Variants in SCUBE1 observed in about 807,000 individuals in gnomAD.
SCUBE1 encodes signal peptide, CUB and EGF-like domain-containing protein 1.
A neutral mutation model predicts 124.4 loss-of-function variants in SCUBE1; 59 were observed. The ratio of observed to expected loss-of-function variants is 0.47; its 90% CI spans 0.38 to 0.59. The LOEUF (loss-of-function observed/expected upper bound fraction) is 0.59, where lower values mean the gene tolerates loss of function less well. SCUBE1 is among the 20% of genes least tolerant of loss of function. The probability of loss-of-function intolerance (pLI) is 0.00; values close to 1 mark genes in which losing one functional copy is unlikely to be tolerated. For synonymous variants in SCUBE1, 545 were observed against 550.9 expected (o/e 0.99, Z 0.15); for missense variants, 1,150 against 1,371.2 (o/e 0.84, Z 2.55).
In SCUBE1 at chr22:43,214,235, G is replaced by A. The variant is rs774875522; in HGVS notation, c.1908C>T (p.Gly636=). 3 of 1,612,288 alleles carry A rather than the reference G, an allele frequency of 1.9e-6. No individual in the cohort carries two copies. The highest frequency in any genetic ancestry group is 2.5e-6 in the Non-Finnish European group (3 of 1,179,512). ...QDSKCVACGP[G]THFGGELGQC... is the part of the protein sequence containing the mutation. ...GGCCGAGCTCACCACCGAAGTGGGT[G>A]CCAGGCCCACAGGCAACTGCAGAGG... Residue 636 remains glycine, a synonymous_variant, in exon 16 of 22, where the codon GGC becomes GGT. Coordinates refer to ENST00000360835, the MANE Select transcript of SCUBE1 (RefSeq NM_173050.5).
At position 43,210,615 on chromosome 22, in the gene SCUBE1, C is replaced by G. The variant is rs937922364; in HGVS notation, c.2383+307G>C. ...GTGCCCCTGTAGGCTGTCAGCCCCC[C>G]CAGCAGACCCAGAAACTAGAGCAGG... is the stretch of plus-strand genomic sequence containing the variant. On this transcript the variant is annotated intron_variant, in intron 18 of 21. Coordinates refer to ENST00000360835, the MANE Select transcript of SCUBE1 (RefSeq NM_173050.5). The surrounding 1 kb of genome is among the most constrained non-coding windows in gnomAD (Gnocchi z 4.5). 7.9e-5 allele frequency among the ~76,000 whole-genome samples: 12 copies of G among 152,216 alleles called. No homozygotes were observed. The highest frequency in any genetic ancestry group is 2.1e-4 in the South Asian group (1 of 4,834).
intron 2 of SCUBE1, among the ~76,000 whole-genome samples, chr22:43,326,292 T>C (rs1342285771): frequency 6.6e-6 from 1 of 152,168 alleles, no homozygotes; most frequent in African/African-American, 2.4e-5. Flanking sequence ...CTCTCCTTTG[T>C]CTGGGGGCTT....
intron 2 of SCUBE1, among the ~76,000 whole-genome samples, chr22:43,327,834 G>T (rs1056501851): frequency 6.6e-6 from 1 of 152,184 alleles, no homozygotes; most frequent in African/African-American, 2.4e-5. Context: ...CATTGATTGT[G>T]GTAGTGGACT....
At chr22:43,342,882 G>C (rs1927373253) in intron 1 of SCUBE1, among the ~76,000 whole-genome samples, 1 of 151,502 alleles carries the variant, frequency 6.6e-6, no homozygotes, top group African/African-American at 2.4e-5. Flanking sequence ...CCGCACGCGG[G>C]GTCCCCGGGA....
At position 43,208,144 on chromosome 22, in the gene SCUBE1, G is replaced by A; in HGVS notation, c.2662C>T (p.Leu888Phe). 3 of 1,614,168 alleles carry A rather than the reference G, an allele frequency of 1.9e-6. No homozygotes were observed. The highest frequency in any genetic ancestry group is 2.5e-6 in the Non-Finnish European group (3 of 1,180,026). Residue 888 changes from leucine to phenylalanine, a missense_variant, in exon 20 of 22, where the codon CTC (leucine) becomes TTC (phenylalanine). Physicochemically the swap from Leu to Phe is conservative, Grantham distance 22. This residue lies in a region of SCUBE1 where 757 missense variants were observed against 840.9 expected (regional missense o/e 0.90). Coordinates refer to ENST00000360835, the MANE Select transcript of SCUBE1 (RefSeq NM_173050.5). The part of the protein sequence containing the change: ...PIAFTSRSRK[L>F]WIQFKSNEGN... Reference sequence around the variant, plus strand: ...TCATTGGATTTGAACTGGATCCAGAGCTTGCGGGAGCGGGAGGTGAAGGCG... The same window carrying A: ...TCATTGGATTTGAACTGGATCCAGAACTTGCGGGAGCGGGAGGTGAAGGCG...
chr22:43,319,152 A>T (rs1926451816), intron 3 of SCUBE1, among the ~76,000 whole-genome samples: 1 of 152,212 alleles, frequency 6.6e-6, no homozygotes, highest in African/African-American at 2.4e-5. Context: ...CCAGTACCTC[A>T]AAACGTGACT....
chr22:43,254,343 A>G (rs1030732633), intron 6 of SCUBE1, among the ~76,000 whole-genome samples: 2 of 152,172 alleles, frequency 1.3e-5, no homozygotes, highest in Admixed American at 6.5e-5. Context: ...GCAGGCCTGA[A>G]GCCTCCTCAG....
chr22:43,301,669 C>G (rs978688667), intron 3 of SCUBE1, among the ~76,000 whole-genome samples: 7 of 152,196 alleles, frequency 4.6e-5, no homozygotes, highest in Non-Finnish European at 7.3e-5. Context: ...CGCCCCCACC[C>G]ACCTGGAATC....
chr22:43,278,773 C>T (rs1281653700), intron 4 of SCUBE1, among the ~76,000 whole-genome samples: 2 of 152,218 alleles, frequency 1.3e-5, no homozygotes, highest in African/African-American at 2.4e-5. Context: ...GCTCAGTTTT[C>T]CCTCCCATGA....
At chr22:43,220,701 C>T (rs552571320) in intron 13 of SCUBE1, 114 bp from the exon 14 acceptor site, 319 of 1,351,138 alleles carry the variant, frequency 2.4e-4, no homozygotes, top group East Asian at 3.4e-4. Context: ...GTGGTGCAGA[C>T]GGAAAAACTC....
In SCUBE1 at chr22:43,255,701, G is replaced by A. The variant is rs956235441; in HGVS notation, c.727+2518C>T. ...GCCAACACAACACGCCGGCCAGCTC[G>A]GCATCCTCGCCAAGGGGCTAATCCC... On this transcript the variant is annotated intron_variant, in intron 6 of 21. Coordinates refer to ENST00000360835, the MANE Select transcript of SCUBE1 (RefSeq NM_173050.5). The surrounding 1 kb of genome is among the most constrained non-coding windows in gnomAD (Gnocchi z 4.7). 24 of 805,354 alleles carry A rather than the reference G, an allele frequency of 3.0e-5. No homozygotes were observed. The highest frequency in any genetic ancestry group is 2.4e-4 in the Middle Eastern group (1 of 4,108). The allele number at this position is 805,354 out of a possible 1,614,324, so 49.9% of individuals were successfully genotyped here. A position where few individuals can be genotyped will look rare whatever the true frequency, so the allele number is the denominator to read the frequency against.
chr22:43,280,542 C>CCCTTCCCCTCACCCATCCTG (rs1924753784), intron 4 of SCUBE1, among the ~76,000 whole-genome samples: 5 of 69,706 alleles, frequency 7.2e-5, no homozygotes, highest in Non-Finnish European at 1.0e-4. Context: ...CACCCATCCT[C>CCCTTCCCCTCACCCATCCTG]CTGTCCCTTC....
intron 3 of SCUBE1, among the ~76,000 whole-genome samples, chr22:43,312,519 G>A (rs555424577): frequency 2.0e-4 from 30 of 152,098 alleles, no homozygotes; most frequent in African/African-American, 6.0e-4. Context: ...CTGGCCAGAG[G>A]GGTCTCAAGC....
At chr22:43,212,690 T>G in intron 16 of SCUBE1, 98 bp from the exon 17 acceptor site, 2 of 1,324,548 alleles carry the variant, frequency 1.5e-6, no homozygotes, top group South Asian at 1.3e-5. Flanking sequence ...TGCCCGGCCC[T>G]GGAAAAGGTA....
chr22:43,287,962 G>A (rs1258557580), intron 4 of SCUBE1, among the ~76,000 whole-genome samples: 3 of 152,220 alleles, frequency 2.0e-5, no homozygotes. Flanking sequence ...TGACCACTGT[G>A]CTGTGTGCTT....
At chr22:43,240,076 C>A (rs137995789) in intron 6 of SCUBE1, among the ~76,000 whole-genome samples, 14 of 152,140 alleles carry the variant, frequency 9.2e-5, no homozygotes, top group Non-Finnish European at 1.9e-4. Context: ...TAGGCGTGTG[C>A]AGGGGGAGAG....
chr22:43,308,821 C>T (rs1289207128), intron 3 of SCUBE1, among the ~76,000 whole-genome samples: 3 of 152,274 alleles, frequency 2.0e-5, no homozygotes, highest in African/African-American at 4.8e-5. Context: ...GCACATCCAT[C>T]TCCTCAACTG....
rs1323368205 is a variant in SCUBE1 at position 43,210,549 on chromosome 22, T to C, written c.2384-309A>G. Reference sequence around the variant, plus strand: ...TGTGGCTGGGCCTTGTCAGGGGCACTGAGAGGGCCTGGAGCCCTGCTCTCT... The same window carrying C: ...TGTGGCTGGGCCTTGTCAGGGGCACCGAGAGGGCCTGGAGCCCTGCTCTCT... On this transcript the variant is annotated intron_variant, in intron 18 of 21. Coordinates refer to ENST00000360835, the MANE Select transcript of SCUBE1 (RefSeq NM_173050.5). This position sits in a 1 kb window ranked among gnomAD's most constrained non-coding sequence, Gnocchi z 4.5. Among the ~76,000 whole-genome samples the C allele has an allele frequency of 6.6e-6, 1 of 152,158 alleles. No individual in the cohort carries two copies. The highest frequency in any genetic ancestry group is 1.5e-5 in the Non-Finnish European group (1 of 68,004).
chr22:43,263,554 G>A (rs1319884159), intron 4 of SCUBE1, among the ~76,000 whole-genome samples: 1 of 152,214 alleles, frequency 6.6e-6, no homozygotes, highest in Admixed American at 6.5e-5. Context: ...CACGCACAGG[G>A]CAACCTCCTT....
Sources: gnomAD v4.1 joint callset for allele counts (sites outside exome capture counted in the v4.1 genomes callset) on GRCh38, gnomAD v4.1.1 for gene constraint, gnomAD v4.1.1 regional missense constraint, Gnocchi (gnomAD v3.1) non-coding constraint, MANE v1.5 for transcripts, NCBI Gene and HGNC (gene_info 2026-07-23, HGNC 2026-07-21) for gene names.